PGBD2: variants seen among roughly 807,000 people sequenced by gnomAD.
PGBD2 encodes piggyBac transposable element-derived protein 2.
In PGBD2, 6 loss-of-function variants were observed where a neutral mutation model predicts 8.1. The observed-to-expected ratio is 0.74, with a 90% confidence interval of 0.40 to 1.46. The LOEUF is 1.46. Ranked by LOEUF, PGBD2 falls within the 40% of genes most tolerant of loss-of-function variation. PGBD2 has a pLI of 0.02. For missense variants in PGBD2, 802 were observed against 739.0 expected (o/e 1.09, Z -0.99); for synonymous variants, 318 against 272.2 (o/e 1.17, Z -1.66).
chr1:248,890,802 CACACCACACACACAACAT>C, the PGBD2 span, among the ~76,000 whole-genome samples: 7 of 151,564 alleles, frequency 4.6e-5, no homozygotes, highest in East Asian at 1.4e-3. Flanking sequence ...ACACGCACCA[CACACCACACACACAACAT>C]ACACCACACA....
the PGBD2 span, among the ~76,000 whole-genome samples, chr1:248,874,242 A>G: frequency 1.1e-4 from 17 of 152,132 alleles, no homozygotes; most frequent in African/African-American, 2.9e-4. Context: ...ATGACGCATC[A>G]TGTCTTCCCT....
chr1:248,899,367 G>C, the PGBD2 span, among the ~76,000 whole-genome samples: 8 of 152,036 alleles, frequency 5.3e-5, no homozygotes, highest in African/African-American at 1.9e-4. Context: ...ACACTCCTCA[G>C]CAAATGCAAA....
At chr1:248,911,489 C>A (rs1255633192) in intron 1 of PGBD2, among the ~76,000 whole-genome samples, 1 of 147,990 alleles carries the variant, frequency 6.8e-6, no homozygotes, top group Non-Finnish European at 1.5e-5. Flanking sequence ...TAGTACAGAA[C>A]AAAACGAAAA....
chr1:248,896,968 C>T, the PGBD2 span, among the ~76,000 whole-genome samples: 1 of 152,350 alleles, frequency 6.6e-6, no homozygotes, highest in Admixed American at 6.5e-5. Flanking sequence ...AGAGGTTCCT[C>T]TTCAAAGATT....
the PGBD2 span, among the ~76,000 whole-genome samples, chr1:248,892,030 T>A: frequency 6.6e-6 from 1 of 152,170 alleles, no homozygotes; most frequent in South Asian, 2.1e-4. Flanking sequence ...GAATCTAGTT[T>A]AAAGAGAGTT....
downstream of PGBD2, among the ~76,000 whole-genome samples, chr1:248,923,617 A>G (rs1345259184): frequency 6.6e-6 from 1 of 152,242 alleles, no homozygotes; most frequent in Non-Finnish European, 1.5e-5. Context: ...CAAATAAAAA[A>G]CACTCTAGTG....
rs1662214974 is a variant in PGBD2 at position 248,918,823 on chromosome 1, G to A, written c.*460G>A. On this transcript the variant is annotated 3_prime_UTR_variant, in exon 3 of 3. Coordinates refer to ENST00000329291, the MANE Select transcript of PGBD2 (RefSeq NM_170725.3). ...ATTAATCCAAGTTTATCAAACTTTTGAGGGATAATCTGCCTTGTATTTAGT... is the reference window on the plus strand; with the variant it reads ...ATTAATCCAAGTTTATCAAACTTTTAAGGGATAATCTGCCTTGTATTTAGT... 1 of 166,912 alleles carries A rather than the reference G, an allele frequency of 6.0e-6. No individual in the cohort carries two copies. Among genetic ancestry groups the A allele is most frequent in the African/African-American group, 2.4e-5 (1 of 41,404 alleles). The allele number at this position is 166,912 out of a possible 1,614,324, so 10.3% of individuals were successfully genotyped here.
In PGBD2 at chr1:248,911,307, G is replaced by T. The variant is rs145275907; in HGVS notation, c.-47-2509G>T. 2.3e-3 allele frequency among the ~76,000 whole-genome samples: 347 copies of T among 151,390 alleles called. 2 individuals carry two copies. Among genetic ancestry groups the T allele is most frequent in the African/African-American group, 7.5e-3 (307 of 41,072 alleles). ...GTCCCTGGGTACTTGAGATTAGGGA[G>T]TGGTGATGACTCTTAACGAGCATCC... is the stretch of plus-strand genomic sequence containing the variant. On this transcript the variant is annotated intron_variant, in intron 1 of 2. Transcript: ENST00000329291.
chr1:248,875,506 T>G, the PGBD2 span, among the ~76,000 whole-genome samples: 1 of 152,186 alleles, frequency 6.6e-6, no homozygotes, highest in Non-Finnish European at 1.5e-5. Flanking sequence ...CAGCTGCTTT[T>G]AGTTTTTATT....
At chr1:248,915,517 T>C (rs1238970284) in intron 2 of PGBD2, among the ~76,000 whole-genome samples, 1 of 152,268 alleles carries the variant, frequency 6.6e-6, no homozygotes, top group Non-Finnish European at 1.5e-5. Flanking sequence ...TAGGCTAGGC[T>C]ACACTACGAT....
the PGBD2 span, among the ~76,000 whole-genome samples, chr1:248,891,136 G>A: frequency 5.1e-4 from 77 of 152,218 alleles, 1 homozygote; most frequent in African/African-American, 1.8e-3. Context: ...CAAACAAAAT[G>A]TGTCTCTGTC....
chr1:248,883,584 CTT>C, the PGBD2 span, among the ~76,000 whole-genome samples: 1 of 89,162 alleles, frequency 1.1e-5, no homozygotes, highest in African/African-American at 5.1e-5. Context: ...TTTTTTTTTT[CTT>C]TTTTTTTTTT....
At chr1:248,875,569 T>G in the PGBD2 span, among the ~76,000 whole-genome samples, 1 of 152,222 alleles carries the variant, frequency 6.6e-6, no homozygotes, top group African/African-American at 2.4e-5. Context: ...GAAAAATATT[T>G]TAATAATTAA....
At chr1:248,907,284 A>G (rs1324986007) in intron 1 of PGBD2, among the ~76,000 whole-genome samples, 1 of 152,260 alleles carries the variant, frequency 6.6e-6, no homozygotes, top group African/African-American at 2.4e-5. Flanking sequence ...ATAAAGAATA[A>G]CAGGGCAGCA....
chr1:248,887,901 C>A, the PGBD2 span, among the ~76,000 whole-genome samples: 2 of 152,192 alleles, frequency 1.3e-5, no homozygotes, highest in African/African-American at 4.8e-5. Context: ...TCAGCCCTTG[C>A]TCCTCTCCCT....
chr1:248,915,094 C>T (rs1419234450), intron 2 of PGBD2, among the ~76,000 whole-genome samples: 1 of 152,238 alleles, frequency 6.6e-6, no homozygotes, highest in East Asian at 1.9e-4. Context: ...CCCTTTGTTG[C>T]ATTCTGTCCT....
At chr1:248,925,713 G>T in the PGBD2 span, among the ~76,000 whole-genome samples, 3 of 151,884 alleles carry the variant, frequency 2.0e-5, no homozygotes, top group African/African-American at 2.4e-5. Flanking sequence ...GGATAATAAG[G>T]GAAAGAGAGA....
At chr1:248,914,643 A>G (rs954553762) in intron 2 of PGBD2, 38 of 1,263,182 alleles carry the variant, frequency 3.0e-5, no homozygotes, top group Non-Finnish European at 3.8e-5. Flanking sequence ...GGGGCCTGCA[A>G]AGGGGCACAG....
downstream of PGBD2, among the ~76,000 whole-genome samples, chr1:248,922,000 G>C (rs1405263099): frequency 1.3e-5 from 2 of 151,924 alleles, no homozygotes; most frequent in Non-Finnish European, 2.9e-5. Flanking sequence ...AGACTTTGCT[G>C]ATGTTGCCTA....
Sources: gnomAD v4.1 joint callset for allele counts (sites outside exome capture counted in the v4.1 genomes callset) on GRCh38, gnomAD v4.1.1 for gene constraint, MANE v1.5 for transcripts, NCBI Gene and HGNC (gene_info 2026-07-23, HGNC 2026-07-21) for gene names.